TTN: variants seen among roughly 807,000 people sequenced by gnomAD.
TTN encodes the protein titin.
A neutral mutation model predicts 3,223.0 loss-of-function variants in TTN; 1,525 were observed. The ratio of observed to expected loss-of-function variants is 0.47; its 90% CI spans 0.45 to 0.49. The LOEUF is 0.49. Ranked by LOEUF, TTN falls within the 20% of genes least tolerant of loss-of-function variation. The pLI is 0.00. For synonymous variants in TTN, 14,094 were observed against 15,161.0 expected (o/e 0.93, Z 5.17); for missense variants, 40,786 against 43,424.0 (o/e 0.94, Z 5.40).
chr2:178,641,436 C>G, intron 219 of TTN, 121 bp from the exon 220 acceptor site: 1 of 577,476 alleles, frequency 1.7e-6, no homozygotes, highest in Non-Finnish European at 2.9e-6. Flanking sequence ...CTACCTAGCA[C>G]TCTGGAAAGT....
chr2:178,570,447 G>A lies in TTN; in HGVS notation c.75685C>T (p.Pro25229Ser), dbSNP rs749230632. Residue 25229 changes from proline (P) to serine (S), a missense_variant, in exon 326 of 363, where the codon CCA (proline) becomes TCA (serine). Physicochemically the swap from Pro to Ser is moderately conservative, Grantham distance 74. Coordinates refer to ENST00000589042, the MANE Select transcript of TTN (RefSeq NM_001267550.2). ...AEKCTLAWKP[P>S]LQDGGSDIIN... ...ATGTCACTCCCACCATCCTGAAGTG[G>A]GGGTTTCCAAGCTAGTGTGCATTTT... is the stretch of plus-strand genomic sequence containing the variant. 1.2e-6 allele frequency: 2 copies of A among 1,613,174 alleles called. No individual in the cohort carries two copies. Among genetic ancestry groups the A allele is most frequent in the Non-Finnish European group, 1.7e-6 (2 of 1,179,566 alleles).
Position 178,588,789 on chromosome 2 carries a change from T to G in TTN, c.62936A>C (p.Glu20979Ala), listed in dbSNP as rs375728230. Residue 20979 changes from glutamate to alanine, a missense_variant, in exon 304 of 363, where the codon GAG becomes GCG. Coordinates refer to ENST00000589042, the MANE Select transcript of TTN (RefSeq NM_001267550.2). ...AGGTGGATTCCAAACCACAGTCATC[T>G]CTTCTTTGCTTACTTTAGTGACTTC... is the stretch of plus-strand genomic sequence containing the variant. ...PPEVTKVSKE[E>A]MTVVWNPPEY... The G allele has an allele frequency of 1.2e-6, 2 of 1,612,906 alleles. No individual in the cohort carries two copies. The highest frequency in any genetic ancestry group is 1.3e-5 in the African/African-American group (1 of 75,010).
intron 111 of TTN, among the ~76,000 whole-genome samples, chr2:178,699,309 C>T (rs1472556332): frequency 2.1e-5 from 3 of 145,996 alleles, no homozygotes; most frequent in Non-Finnish European, 4.5e-5. Flanking sequence ...CTTTGTTGTG[C>T]AGCTGTTATA....
Position 178,562,213 on chromosome 2 carries a change from A to G in TTN, c.83919T>C (p.Asn27973=), listed in dbSNP as rs777656348. Residue 27973 remains asparagine (N), a synonymous_variant, in exon 326 of 363, where the codon AAT becomes AAC. Coordinates refer to ENST00000589042, the MANE Select transcript of TTN (RefSeq NM_001267550.2). ...PSVELPFHTF[N]VKAREQLKID... ...TCTTAAGTTGTTCTCTAGCCTTTAC[A>G]TTGAAAGTATGGAAAGGAAGCTCAA... 15 of 1,612,516 alleles carry G rather than the reference A, an allele frequency of 9.3e-6. No homozygotes were observed. The Admixed American group carries it at 1.5e-4, about 16-fold the overall frequency.
At chr2:178,731,668 G>A in intron 58 of TTN, 25 bp downstream of exon 58, 1 of 1,589,438 alleles carries the variant, frequency 6.3e-7, no homozygotes, top group Admixed American at 1.7e-5. Context: ...AGAAAAGCCA[G>A]TCCCTCACTG....
intron 138 of TTN, among the ~76,000 whole-genome samples, chr2:178,680,534 A>C (rs2069135751): frequency 6.6e-6 from 1 of 152,062 alleles, no homozygotes; most frequent in Non-Finnish European, 1.5e-5. Flanking sequence ...GAAGTACCCA[A>C]GTAAACATGA....
chr2:178,591,556 A>C, intron 303 of TTN, 43 bp downstream of exon 303: 1 of 1,588,588 alleles, frequency 6.3e-7, no homozygotes, highest in Non-Finnish European at 8.5e-7. Flanking sequence ...TATATGAATA[A>C]TTTTAAAAAG....
At position 178,591,225 on chromosome 2, in the gene TTN, G is replaced by A; in HGVS notation, c.60500C>T (p.Thr20167Ile). The part of the protein sequence containing the change: ...AGSKTVAVHL[T>I]VLDVPGPPTG... ...TGGTGGCCCAGGAACATCAAGAACA[G>A]TAAGATGTACGGCTACTGTTTTGCT... The change falls in exon 304 of 363, where the codon ACT becomes ATT. Residue 20167 changes from threonine (T) to isoleucine (I), a missense_variant. Thr to Ile is a moderately conservative substitution (Grantham distance 89). Coordinates refer to ENST00000589042, the MANE Select transcript of TTN (RefSeq NM_001267550.2). The A allele has an allele frequency of 6.2e-7, 1 of 1,613,416 alleles. No homozygotes were observed. The highest frequency in any genetic ancestry group is 8.5e-7 in the Non-Finnish European group (1 of 1,179,552).
chr2:178,698,822 C>A, intron 112 of TTN, 21 bp downstream of exon 112: 1 of 1,532,294 alleles, frequency 6.5e-7, no homozygotes, highest in Non-Finnish European at 8.8e-7. Flanking sequence ...GTTAAGACTG[C>A]TTTTTGATTA....
rs781465190 is a variant in TTN, at chr2:178,599,173, C to T, written c.56620G>A (p.Glu18874Lys). 1 of 1,506,818 alleles carries T rather than the reference C, an allele frequency of 6.6e-7. No individual in the cohort carries two copies. Among genetic ancestry groups the T allele is most frequent in the Non-Finnish European group, 8.8e-7 (1 of 1,131,924 alleles). The allele number at this position is 1,506,818 out of a possible 1,614,324, so 93.3% of individuals were successfully genotyped here. The stretch of plus-strand genomic sequence containing the variant: ...AAGAGGTTTCTTGCTGTTTCAGGTT[C>T]ACTGTCAAGAGGTTCTCCAATGCCA... ...KYGIGEPLDSEPETARNLFSV... is the reference protein window; with the variant it reads ...KYGIGEPLDSKPETARNLFSV... Residue 18874 changes from glutamate (E) to lysine (K), a missense_variant, in exon 290 of 363, where the codon GAA becomes AAA. Physicochemically the swap from Glu to Lys is moderately conservative, Grantham distance 56 (BLOSUM62 1). Coordinates refer to ENST00000589042, the MANE Select transcript of TTN (RefSeq NM_001267550.2).
chr2:178,598,514 ATTC>A lies in TTN; in HGVS notation c.57100_57102del (p.Glu19034del). On this transcript the variant is annotated inframe_deletion, in exon 292 of 363. Coordinates refer to ENST00000589042, the MANE Select transcript of TTN (RefSeq NM_001267550.2). ...GTGCCAAGTTTTCCTACCTTTTCCC[ATTC>A]TTCTTTTCCTTCTTCTTTATATTCA... The A allele has an allele frequency of 6.2e-7, 1 of 1,604,934 alleles. No homozygotes were observed. Among genetic ancestry groups the A allele is most frequent in the Non-Finnish European group, 8.5e-7 (1 of 1,177,690 alleles).
chr2:178,747,603 C>T (rs1256491160), intron 47 of TTN: 2 of 1,613,296 alleles, frequency 1.2e-6, no homozygotes, highest in South Asian at 2.2e-5. Context: ...GTGATTGATT[C>T]ACTCTGGACA....
In TTN at chr2:178,620,767, C is replaced by G. The variant is rs574423141; in HGVS notation, c.45843G>C (p.Leu15281Phe). The G allele has an allele frequency of 2.2e-5, 36 of 1,612,786 alleles. 1 individual carries two copies. The South Asian group carries it at 3.3e-4, about 15-fold the overall frequency. ...TAACATTTTCACCTCTGTGATTGGT[C>G]AAAGACACATTATAGTTGGCTTGGT... Reference protein sequence around the residue: ...LDDQANYNVSLTNHRGENVKS... With the variant: ...LDDQANYNVSFTNHRGENVKS... The change falls in exon 247 of 363, where the codon TTG becomes TTC. Residue 15281 changes from leucine (L) to phenylalanine (F), a missense_variant. Physicochemically the swap from Leu to Phe is conservative, Grantham distance 22. Coordinates refer to ENST00000589042, the MANE Select transcript of TTN (RefSeq NM_001267550.2).
Position 178,715,554 on chromosome 2 carries a change from G to A in TTN, c.25860C>T (p.Tyr8620=). The A allele has an allele frequency of 1.9e-6, 3 of 1,613,632 alleles. No individual in the cohort carries two copies. Among genetic ancestry groups the A allele is most frequent in the Non-Finnish European group, 1.7e-6 (2 of 1,179,642 alleles). The part of the protein sequence containing the change: ...HNLSVEDSGD[Y]TCEAHNAAGS... Reference sequence around the variant, plus strand: ...CTGCTGCATTGTGGGCCTCACAGGTGTAGTCTCCACTGTCTTCAACACTGA... The same window carrying A: ...CTGCTGCATTGTGGGCCTCACAGGTATAGTCTCCACTGTCTTCAACACTGA... Residue 8620 remains tyrosine (Y), a synonymous_variant, in exon 89 of 363, where the codon TAC becomes TAT. Coordinates refer to ENST00000589042, the MANE Select transcript of TTN (RefSeq NM_001267550.2).
Position 178,702,235 on chromosome 2 carries a change from C to T in TTN, c.30444G>A (p.Ser10148=), listed in dbSNP as rs367901929. 293 of 1,613,896 alleles carry T rather than the reference C, an allele frequency of 1.8e-4. 2 individuals carry two copies. The South Asian group carries it at 2.3e-3, about 13-fold the overall frequency. Residue 10148 remains serine (S), a synonymous_variant, in exon 108 of 363, where the codon TCG becomes TCA. Coordinates refer to ENST00000589042, the MANE Select transcript of TTN (RefSeq NM_001267550.2). ...NVTPDDEGVY[S]VIARLEPRGE... is the part of the protein sequence containing the mutation. ...CTCTTGGCTCCAGCCGAGCGATGAC[C>T]GAGTAGACACCTAGGGTGAAAAATC...
intron 78 of TTN, 39 bp downstream of exon 78, chr2:178,721,808 G>A (rs370512531): frequency 6.9e-7 from 1 of 1,441,874 alleles, no homozygotes; most frequent in African/African-American, 1.4e-5. Flanking sequence ...ATGCAAATAT[G>A]GTAAGGAACA....
chr2:178,606,315 G>T (rs2154196147), intron 278 of TTN, among the ~76,000 whole-genome samples: 1 of 152,042 alleles, frequency 6.6e-6, no homozygotes, highest in African/African-American at 2.4e-5. Flanking sequence ...GGTGCCTCTG[G>T]CACAGCCTGT....
chr2:178,572,295 C>T lies in TTN; in HGVS notation c.73837G>A (p.Ala24613Thr), dbSNP rs775856841. The change falls in exon 326 of 363, where the codon GCA (alanine) becomes ACA (threonine). Residue 24613 changes from alanine (A) to threonine (T), a missense_variant. Coordinates refer to ENST00000589042, the MANE Select transcript of TTN (RefSeq NM_001267550.2). Reference protein sequence around the residue: ...LPAETAESVKASERPLPPGKI... With the variant: ...LPAETAESVKTSERPLPPGKI... ...CCTGGAGGAAGAGGTCGTTCTGATG[C>T]TTTCACAGATTCTGCGGTTTCAGCA... The T allele has an allele frequency of 1.9e-6, 3 of 1,612,148 alleles. No individual in the cohort carries two copies. The highest frequency in any genetic ancestry group is 2.5e-6 in the Non-Finnish European group (3 of 1,178,538).
At position 178,531,765 on chromosome 2, in the gene TTN, C is replaced by T. The variant is rs556443213; in HGVS notation, c.104850G>A (p.Ser34950=). 1.2e-5 allele frequency: 19 copies of T among 1,613,942 alleles called. No homozygotes were observed. The highest frequency in any genetic ancestry group is 6.7e-5 in the East Asian group (3 of 44,880). ...HAPRITLRMR[S]HRVPCGQNTR... is the part of the protein sequence containing the mutation. ...TATTTTGGCCACATGGTACCCTGTGCGAGCGCATTCTCAGTGTGATTCGAG... is the reference window on the plus strand; with the variant it reads ...TATTTTGGCCACATGGTACCCTGTGTGAGCGCATTCTCAGTGTGATTCGAG... Residue 34950 remains serine (S), a synonymous_variant, in exon 358 of 363, where the codon TCG becomes TCA. Coordinates refer to ENST00000589042, the MANE Select transcript of TTN (RefSeq NM_001267550.2).
Sources: allele counts gnomAD v4.1 joint callset (sites outside exome capture counted in the v4.1 genomes callset), GRCh38; gene constraint gnomAD v4.1.1; transcripts MANE v1.5; gene names NCBI Gene and HGNC (gene_info 2026-07-23, HGNC 2026-07-21).